SRGAP3: variants seen among roughly 807,000 people sequenced by gnomAD.
The protein encoded by SRGAP3 is SLIT-ROBO Rho GTPase-activating protein 3.
A neutral mutation model predicts 121.1 loss-of-function variants in SRGAP3; 39 were observed. That is an observed-to-expected ratio of 0.32 (90% CI 0.25 to 0.42). The LOEUF is 0.42. SRGAP3 is among the 10% of genes least tolerant of loss of function. The pLI is 1.00. For synonymous variants in SRGAP3, 601 were observed against 570.0 expected (o/e 1.05, Z -0.77); for missense variants, 1,213 against 1,470.6 (o/e 0.82, Z 2.86).
chr3:9,032,753 C>T lies in SRGAP3; in HGVS notation c.1437-1G>A, dbSNP rs1267921317. On this transcript the variant is annotated splice_acceptor_variant, in intron 11 of 21. Coordinates refer to ENST00000383836, the MANE Select transcript of SRGAP3 (RefSeq NM_014850.4). LOFTEE classifies it high-confidence loss of function. ...TGGTTTAGGGGGAAGACAGGGGGGC[C>T]TAGGGGAAAACGGAACAAAAGAAAT... 1 of 1,613,128 alleles carries T rather than the reference C, an allele frequency of 6.2e-7. No individual in the cohort carries two copies. Among genetic ancestry groups the T allele is most frequent in the South Asian group, 1.1e-5 (1 of 91,026 alleles).
intron 1 of SRGAP3, among the ~76,000 whole-genome samples, chr3:9,173,252 C>T (rs1951054007): frequency 6.6e-6 from 1 of 152,208 alleles, no homozygotes; most frequent in Non-Finnish European, 1.5e-5. Flanking sequence ...TTGTGCACCA[C>T]CCACATAAGC....
chr3:9,057,696 A>T (rs1011088624), intron 7 of SRGAP3, among the ~76,000 whole-genome samples: 2 of 152,172 alleles, frequency 1.3e-5, no homozygotes, highest in Non-Finnish European at 2.9e-5. Flanking sequence ...TGCATAAGGG[A>T]TTTTGTAAGC....
intron 1 of SRGAP3, among the ~76,000 whole-genome samples, chr3:9,241,427 G>C (rs1442363400): frequency 6.6e-6 from 1 of 152,182 alleles, no homozygotes; most frequent in African/African-American, 2.4e-5. Context: ...AATTTCCCCA[G>C]ACTGGGAGGG....
At chr3:9,278,772 G>C (rs1954627728) in intron 3 of SRGAP3, among the ~76,000 whole-genome samples, 1 of 152,174 alleles carries the variant, frequency 6.6e-6, no homozygotes, top group African/African-American at 2.4e-5. Context: ...TCTTTCAGTT[G>C]CAAGTGACAG....
chr3:9,203,622 G>T (rs1452891668), intron 1 of SRGAP3, among the ~76,000 whole-genome samples: 1 of 152,158 alleles, frequency 6.6e-6, no homozygotes, highest in Admixed American at 6.5e-5. Flanking sequence ...AATTGCAATT[G>T]TCTGCTTTTT....
chr3:9,019,801 C>T (rs1046311352), intron 14 of SRGAP3, among the ~76,000 whole-genome samples: 3 of 152,228 alleles, frequency 2.0e-5, no homozygotes, highest in Non-Finnish European at 4.4e-5. Flanking sequence ...CTTGGCTGGG[C>T]AGCCTTGTGC....
At chr3:9,214,284 C>G (rs1952544423) in intron 1 of SRGAP3, among the ~76,000 whole-genome samples, 1 of 152,152 alleles carries the variant, frequency 6.6e-6, no homozygotes, top group Admixed American at 6.6e-5. Context: ...AAAGAATACT[C>G]ATATTCATTG....
In SRGAP3 at chr3:9,317,774, T is replaced by C. The variant is rs138859915; in HGVS notation, n.442+8236A>G. Among the ~76,000 whole-genome samples the C allele has an allele frequency of 2.3e-3, 345 of 152,336 alleles. 1 individual carries two copies. The highest frequency in any genetic ancestry group is 7.9e-3 in the African/African-American group (328 of 41,570). On this transcript the variant is annotated intron_variant and non_coding_transcript_variant, in intron 3 of 3. Coordinates refer to the SRGAP3 transcript ENST00000490889. ...TGCATTTCTAACAAGTGCCCTCTGA[T>C]GCTGATGCTGCTGGTCCAGGGACCA...
intron 1 of SRGAP3, among the ~76,000 whole-genome samples, chr3:9,175,196 AAAAG>A (rs1320441731): frequency 3.9e-5 from 6 of 152,234 alleles, no homozygotes; most frequent in African/African-American, 1.4e-4. Context: ...GTTAATTAAA[AAAAG>A]AAAGAAAGAA....
rs114563417 is a variant in SRGAP3, at chr3:8,996,221, T to C, written c.2228-1698A>G. Among the ~76,000 whole-genome samples, 1,288 of 152,356 alleles carry C rather than the reference T, an allele frequency of 8.5e-3. 16 individuals carry two copies. The highest frequency in any genetic ancestry group is 0.029 in the African/African-American group (1,225 of 41,580). On this transcript the variant is annotated intron_variant, in intron 18 of 21. Transcript: ENST00000383836. ...CAACAGTGTCTGGCACATAGTACCC[T>C]ATAAGAGTTACACACATGTTGTTAC... is the stretch of plus-strand genomic sequence containing the variant.
At position 9,236,090 on chromosome 3, in the gene SRGAP3, C is replaced by T. The variant is rs1347477071; in HGVS notation, c.67+12795G>A. On this transcript the variant is annotated intron_variant, in intron 1 of 21. Transcript: ENST00000383836. ...CCACCACCATTTTGTTCCACCTACT[C>T]AGGATTTTAGCCACCTCAAACTCCT... 1.8e-5 allele frequency: 3 copies of T among 164,098 alleles called. No individual in the cohort carries two copies. The East Asian group carries it at 3.9e-4, about 21-fold the overall frequency. 10.2% of individuals were successfully genotyped at this position (164,098 alleles called of 1,614,324 possible).
At chr3:9,304,678 C>G (rs537448047) in intron 3 of SRGAP3, among the ~76,000 whole-genome samples, 1 of 152,286 alleles carries the variant, frequency 6.6e-6, no homozygotes, top group East Asian at 1.9e-4. Context: ...GCTTCTCCCC[C>G]TCCGCACTAG....
intron 1 of SRGAP3, among the ~76,000 whole-genome samples, chr3:9,228,357 C>A (rs908792303): frequency 9.4e-4 from 143 of 152,220 alleles, no homozygotes; most frequent in African/African-American, 3.1e-3. Context: ...ATGAAGTTGC[C>A]CAATTTTGTT....
intron 3 of SRGAP3, among the ~76,000 whole-genome samples, chr3:9,325,767 G>A (rs1041781713): frequency 1.5e-4 from 23 of 152,042 alleles, no homozygotes; most frequent in African/African-American, 5.1e-4. Context: ...ATCTATTAAA[G>A]TATAAAGTTA....
At chr3:8,993,987 G>A (rs1942234252) in intron 19 of SRGAP3, 2 of 349,378 alleles carry the variant, frequency 5.7e-6, no homozygotes, top group African/African-American at 4.2e-5. Flanking sequence ...GCTACCTCTG[G>A]AGTGTAGAAC....
At chr3:9,157,753 G>C (rs1010962475) in intron 1 of SRGAP3, among the ~76,000 whole-genome samples, 1 of 152,150 alleles carries the variant, frequency 6.6e-6, no homozygotes, top group Non-Finnish European at 1.5e-5. Flanking sequence ...ATGAAACCCA[G>C]GCTAAACAGT....
intron 1 of SRGAP3, among the ~76,000 whole-genome samples, chr3:9,174,703 G>A (rs955571706): frequency 1.9e-4 from 29 of 152,322 alleles, no homozygotes; most frequent in South Asian, 2.1e-4. Context: ...GAGGGAAGTC[G>A]CACCCAGACG....
chr3:9,271,940 T>C (rs1003359173), intron 3 of SRGAP3, among the ~76,000 whole-genome samples: 2 of 152,218 alleles, frequency 1.3e-5, no homozygotes, highest in Non-Finnish European at 2.9e-5. Context: ...TCTGGAATTA[T>C]AGTCGTTCTG....
intron 5 of SRGAP3, among the ~76,000 whole-genome samples, chr3:9,061,109 A>G (rs988846469): frequency 6.6e-6 from 1 of 152,148 alleles, no homozygotes; most frequent in Non-Finnish European, 1.5e-5. Context: ...GCATGCACCT[A>G]TAGTCCCAGC....
Sources: gnomAD v4.1 joint callset for allele counts (sites outside exome capture counted in the v4.1 genomes callset) on GRCh38, gnomAD v4.1.1 for gene constraint, MANE v1.5 for transcripts, NCBI Gene and HGNC (gene_info 2026-07-23, HGNC 2026-07-21) for gene names.